RNF114: variants seen among roughly 807,000 people sequenced by gnomAD.
RNF114 encodes E3 ubiquitin-protein ligase RNF114.
In RNF114, 6 loss-of-function variants were observed where a neutral mutation model predicts 28.4. That is an observed-to-expected ratio of 0.21 (90% CI 0.12 to 0.42). RNF114 has a LOEUF of 0.42. RNF114 is among the 10% of genes least tolerant of loss of function. The pLI, the probability that RNF114 is intolerant of heterozygous loss-of-function variation, is 1.00. For missense variants in RNF114, 249 were observed against 311.7 expected (o/e 0.80, Z 1.51); for synonymous variants, 115 against 116.7 (o/e 0.99, Z 0.09).
intron 1 of RNF114, among the ~76,000 whole-genome samples, chr20:49,938,401 G>A (rs1322760589): frequency 6.6e-6 from 1 of 152,212 alleles, no homozygotes; most frequent in African/African-American, 2.4e-5. Context: ...ACCTCTGTGA[G>A]GGCAGCCCAA....
chr20:49,940,053 CAAAAAAAAA>C (rs71190515), intron 1 of RNF114, among the ~76,000 whole-genome samples: 5 of 75,556 alleles, frequency 6.6e-5, no homozygotes, highest in African/African-American at 1.8e-4. Flanking sequence ...GACTCTGTCT[CAAAAAAAAA>C]AAAAAAAAAA....
In RNF114 at chr20:49,949,181, A is replaced by G. The variant is rs1055208954; in HGVS notation, c.514-67A>G. On this transcript the variant is annotated intron_variant, in intron 4 of 5. Transcript: ENST00000244061. ...TGTCCTGGAAGAAAGGAGGCCAGAC[A>G]CAGGCCACAGAGGGCTGGTGCAAGC... 21 of 1,287,220 alleles carry G rather than the reference A, an allele frequency of 1.6e-5. No individual in the cohort carries two copies. The Admixed American group carries it at 1.7e-4, about 10-fold the overall frequency. The allele number at this position is 1,287,220 out of a possible 1,614,324, so 79.7% of individuals were successfully genotyped here.
At chr20:49,951,069 ACTTT>A (rs2090353622) in intron 5 of RNF114, among the ~76,000 whole-genome samples, 1 of 152,154 alleles carries the variant, frequency 6.6e-6, no homozygotes, top group Admixed American at 6.6e-5. Context: ...GTAGTAGGTA[ACTTT>A]GGCCAACTAT....
rs1220513658 is a variant in RNF114, at chr20:49,952,219, A to G, written c.*78A>G. 1 of 1,269,500 alleles carries G rather than the reference A, an allele frequency of 7.9e-7. No homozygotes were observed. Among genetic ancestry groups the G allele is most frequent in the South Asian group, 1.2e-5 (1 of 84,046 alleles). The allele number at this position is 1,269,500 out of a possible 1,614,324, so 78.6% of individuals were successfully genotyped here. A position where few individuals can be genotyped will look rare whatever the true frequency, so the allele number is the denominator to read the frequency against. ...TAAACGTGAAATCTATGACTCCTGT[A>G]CCTTACCTGTTCAACAGACCTGAAA... is the stretch of plus-strand genomic sequence containing the variant. On this transcript the variant is annotated 3_prime_UTR_variant, in exon 6 of 6. Transcript: ENST00000244061.
At chr20:49,940,447 G>A (rs915761818) in intron 1 of RNF114, among the ~76,000 whole-genome samples, 17 of 146,882 alleles carry the variant, frequency 1.2e-4, no homozygotes, top group African/African-American at 4.3e-4. Flanking sequence ...GTCTCGCTCT[G>A]TCTCCCAGGC....
At chr20:49,942,220 C>T (rs1452812744) in intron 2 of RNF114, among the ~76,000 whole-genome samples, 1 of 152,114 alleles carries the variant, frequency 6.6e-6, no homozygotes, top group Non-Finnish European at 1.5e-5. Flanking sequence ...GATCATGCCA[C>T]TGCACTCCAG....
intron 4 of RNF114, among the ~76,000 whole-genome samples, chr20:49,947,640 G>A (rs1459626783): frequency 6.6e-6 from 1 of 151,868 alleles, no homozygotes; most frequent in African/African-American, 2.4e-5. Flanking sequence ...GAACTTTTCT[G>A]GTATGGCAGC....
At chr20:49,938,384 T>C (rs1237463251) in intron 1 of RNF114, among the ~76,000 whole-genome samples, 3 of 152,178 alleles carry the variant, frequency 2.0e-5, no homozygotes, top group Admixed American at 6.5e-5. Context: ...TGAAGACAGA[T>C]GGAAGCACCT....
At chr20:49,937,781 C>G (rs531278175) in intron 1 of RNF114, among the ~76,000 whole-genome samples, 1 of 152,284 alleles carries the variant, frequency 6.6e-6, no homozygotes, top group South Asian at 2.1e-4. Context: ...CCCCCACTTC[C>G]TTTCTGGGAC....
chr20:49,936,800 A>G (rs2146851841), intron 1 of RNF114, among the ~76,000 whole-genome samples: 1 of 152,070 alleles, frequency 6.6e-6, no homozygotes, highest in African/African-American at 2.4e-5. Context: ...AGCGCCTGCG[A>G]TGTTCCAGGC....
At chr20:49,949,462 G>A in intron 5 of RNF114, 107 bp downstream of exon 5, 1 of 884,992 alleles carries the variant, frequency 1.1e-6, no homozygotes, top group South Asian at 1.4e-5. Flanking sequence ...CTTTGTCGCT[G>A]TTGTGATGGG....
At chr20:49,939,106 A>G (rs1295887329) in intron 1 of RNF114, among the ~76,000 whole-genome samples, 1 of 152,218 alleles carries the variant, frequency 6.6e-6, no homozygotes, top group East Asian at 1.9e-4. Flanking sequence ...CCTCGTAATC[A>G]GGTCCCACCC....
At chr20:49,942,157 G>A (rs1293922967) in intron 2 of RNF114, among the ~76,000 whole-genome samples, 1 of 152,132 alleles carries the variant, frequency 6.6e-6, no homozygotes, top group Non-Finnish European at 1.5e-5. Context: ...TACTCAGGAG[G>A]CAGAGGCCAG....
At position 49,952,379 on chromosome 20, in the gene RNF114, C is replaced by T. The variant is rs1466195556; in HGVS notation, c.*238C>T. The T allele has an allele frequency of 5.5e-6, 3 of 548,472 alleles. No homozygotes were observed. The highest frequency in any genetic ancestry group is 1.9e-5 in the African/African-American group (1 of 53,234). 34.0% of individuals were successfully genotyped at this position (548,472 alleles called of 1,614,324 possible). A position where few individuals can be genotyped will look rare whatever the true frequency, so the allele number is the denominator to read the frequency against. ...ACCTTGTTTGTCACACGGTCGAGTT[C>T]GTATTGGTTCTCGGCTACTTCCTGG... On this transcript the variant is annotated 3_prime_UTR_variant, in exon 6 of 6. Coordinates refer to ENST00000244061, the MANE Select transcript of RNF114 (RefSeq NM_018683.4).
intron 4 of RNF114, among the ~76,000 whole-genome samples, chr20:49,947,879 C>T (rs1600871718): frequency 1.4e-5 from 2 of 146,610 alleles, no homozygotes; most frequent in East Asian, 4.2e-4. Flanking sequence ...GCAAGCTCCG[C>T]CTCCCGGGTT....
intron 2 of RNF114, among the ~76,000 whole-genome samples, chr20:49,943,749 G>A (rs1433429325): frequency 1.5e-5 from 2 of 135,482 alleles, no homozygotes; most frequent in African/African-American, 5.6e-5. Context: ...GGCTCCGCCT[G>A]TTGGGTTCAC....
intron 2 of RNF114, chr20:49,944,696 C>T (rs964394682): frequency 6.6e-6 from 1 of 152,218 alleles, no homozygotes; most frequent in African/African-American, 2.4e-5. Flanking sequence ...GCCTGGCTAA[C>T]GTGGTGAAAC....
intron 2 of RNF114, among the ~76,000 whole-genome samples, chr20:49,943,375 T>C (rs1861276949): frequency 6.6e-6 from 1 of 152,200 alleles, no homozygotes; most frequent in African/African-American, 2.4e-5. Context: ...TAGTGGTGTA[T>C]GCATGTAGTC....
rs985208367 is a variant in RNF114, at chr20:49,949,373, G to C, written c.621+18G>C. 1 of 1,600,204 alleles carries C rather than the reference G, an allele frequency of 6.2e-7. No homozygotes were observed. The highest frequency in any genetic ancestry group is 8.6e-7 in the Non-Finnish European group (1 of 1,168,350). ...CTTTTGTGGTAAGTCTGGAGCCTGG[G>C]CTCTGATCCCTCCCCTGGGGGAGTG... On this transcript the variant is annotated intron_variant, in intron 5 of 5. Coordinates refer to ENST00000244061, the MANE Select transcript of RNF114 (RefSeq NM_018683.4).
Sources: gnomAD v4.1 joint callset for allele counts (sites outside exome capture counted in the v4.1 genomes callset) on GRCh38, gnomAD v4.1.1 for gene constraint, MANE v1.5 for transcripts, NCBI Gene and HGNC (gene_info 2026-07-23, HGNC 2026-07-21) for gene names.